The following CBR4 variants were observed in gnomAD, a reference collection of about 807,000 sequenced individuals.
The protein encoded by CBR4 is carbonyl reductase 4, also known as 3-oxoacyl-[acyl-carrier-protein] reductase.
In CBR4, 22 loss-of-function variants were observed where a neutral mutation model predicts 21.0. The observed-to-expected ratio is 1.05, with a 90% CI of 0.75 to 1.50. CBR4 has a LOEUF of 1.50. Among genes scored for constraint, CBR4 ranks in the 40% most tolerant of loss-of-function variants. CBR4 has a pLI of 0.00. For missense variants in CBR4, 302 were observed against 286.3 expected, an observed-to-expected ratio of 1.05 and a Z score of -0.40; for synonymous variants, 100 against 104.4, an observed-to-expected ratio of 0.96 and a Z score of 0.26.
chr4:168,953,106 A>G (rs1222119013), intron 2 of CBR4, among the ~76,000 whole-genome samples: 1 of 152,060 alleles, frequency 6.6e-6, no homozygotes, highest in Non-Finnish European at 1.5e-5. Context: ...GCTGTGGAGG[A>G]TGTGGGTGAG....
Position 168,924,949 on chromosome 4 carries a change from C to G in CBR4, n.170-30184G>C. 2 of 1,614,090 alleles carry G rather than the reference C, an allele frequency of 1.2e-6. No individual in the cohort carries two copies. On this transcript the variant is annotated intron_variant and non_coding_transcript_variant, in intron 2 of 3. Coordinates refer to the CBR4 transcript ENST00000509108. ...TGACTTTATCCTTTTCTCCAGCATG[C>G]ACCAGGACAACCACGGCTACATCTG...
chr4:168,919,534 A>G (rs1760989931), intron 2 of CBR4, among the ~76,000 whole-genome samples: 1 of 152,064 alleles, frequency 6.6e-6, no homozygotes, highest in Admixed American at 6.6e-5. Flanking sequence ...AAAAAAAAAA[A>G]AAAGTGAAAA....
chr4:168,903,834 C>G lies in CBR4; in HGVS notation n.170-9069G>C, dbSNP rs772737020. 6.2e-7 allele frequency: 1 copy of G among 1,612,904 alleles called. No individual in the cohort carries two copies. The highest frequency in any genetic ancestry group is 8.5e-7 in the Non-Finnish European group (1 of 1,178,910). On this transcript the variant is annotated intron_variant and non_coding_transcript_variant, in intron 2 of 3. Transcript: ENST00000509108. Reference sequence around the variant, plus strand: ...CCATTCAAAGAGATCTCGATGGGACCTGCTCCCTCCATACCACAGCCTCCA... The same window carrying G: ...CCATTCAAAGAGATCTCGATGGGACGTGCTCCCTCCATACCACAGCCTCCA...
intron 2 of CBR4, among the ~76,000 whole-genome samples, chr4:168,912,646 A>AT (rs1759224575): frequency 6.6e-6 from 1 of 152,208 alleles, no homozygotes; most frequent in African/African-American, 2.4e-5. Flanking sequence ...ACAGTGTGAT[A>AT]TTTCAAAGCA....
Position 168,989,722 on chromosome 4 carries a change from A to T in CBR4, c.*428T>A, listed in dbSNP as rs552204505. The T allele has an allele frequency of 3.2e-5, 31 of 977,752 alleles. 1 individual carries two copies. The South Asian group carries it at 1.2e-3, about 39-fold the overall frequency. 60.6% of individuals were successfully genotyped at this position (977,752 alleles called of 1,614,324 possible). ...CTTTTGAGACAAAATATATAAATCA[A>T]TACTTGTTTATATGACTTGCAAAAT... On this transcript the variant is annotated 3_prime_UTR_variant, in exon 5 of 5. Coordinates refer to ENST00000306193, the MANE Select transcript of CBR4 (RefSeq NM_032783.5).
Position 168,989,623 on chromosome 4 carries a change from C to T in CBR4, c.*527G>A. 1 of 985,060 alleles carries T rather than the reference C, an allele frequency of 1.0e-6. No homozygotes were observed. Among genetic ancestry groups the T allele is most frequent in the Non-Finnish European group, 1.2e-6 (1 of 829,658 alleles). 61.0% of individuals were successfully genotyped at this position (985,060 alleles called of 1,614,324 possible). A position where few individuals can be genotyped will look rare whatever the true frequency, so the allele number is the denominator to read the frequency against. On this transcript the variant is annotated 3_prime_UTR_variant, in exon 5 of 5. Transcript: ENST00000306193. ...ATACTCTTATTTTGGCAACAGCCCA[C>T]AAGGTTAACTTTTAGAAAATTCAGC...
At chr4:168,928,319 GT>G (rs2126641149) in intron 2 of CBR4, 1 of 99,762 alleles carries the variant, frequency 1.0e-5, no homozygotes, top group East Asian at 1.5e-4. Flanking sequence ...CCTTTATATT[GT>G]ATTTATAAAA....
rs1582255330 is a variant in CBR4, at chr4:168,925,390, C to T, written n.170-30625G>A. Reference sequence around the variant, plus strand: ...AGCATCCTTAGGAGTTAACAGTAGGCAAAGGCATAACCATGTTTTTCACAT... The same window carrying T: ...AGCATCCTTAGGAGTTAACAGTAGGTAAAGGCATAACCATGTTTTTCACAT... On this transcript the variant is annotated intron_variant and non_coding_transcript_variant, in intron 2 of 3. Coordinates refer to the CBR4 transcript ENST00000509108. 9.8e-6 allele frequency: 8 copies of T among 815,064 alleles called. No homozygotes were observed. The East Asian group carries it at 1.9e-4, about 20-fold the overall frequency. The allele number at this position is 815,064 out of a possible 1,614,324, so 50.5% of individuals were successfully genotyped here. A position where few individuals can be genotyped will look rare whatever the true frequency, so the allele number is the denominator to read the frequency against.
intron 2 of CBR4, among the ~76,000 whole-genome samples, chr4:168,959,428 T>C (rs1415139320): frequency 3.3e-5 from 5 of 152,176 alleles, no homozygotes; most frequent in Admixed American, 6.5e-5. Flanking sequence ...ACTGTCTTGA[T>C]TACTGTCACA....
At position 168,988,102 on chromosome 4, in the gene CBR4, G is replaced by A. The variant is rs1764754193; in HGVS notation, c.*2048C>T. 8.1e-6 allele frequency: 8 copies of A among 985,206 alleles called. No homozygotes were observed. The allele number at this position is 985,206 out of a possible 1,614,324, so 61.0% of individuals were successfully genotyped here. A position where few individuals can be genotyped will look rare whatever the true frequency, so the allele number is the denominator to read the frequency against. On this transcript the variant is annotated 3_prime_UTR_variant, in exon 5 of 5. Transcript: ENST00000306193. The stretch of plus-strand genomic sequence containing the variant: ...AATTCACTGAGGTTCTTAAACCTCT[G>A]AACATAAGGCAACAGTTCACAACTG...
chr4:168,902,460 T>G (rs994344545), intron 2 of CBR4, among the ~76,000 whole-genome samples: 4 of 152,190 alleles, frequency 2.6e-5, no homozygotes, highest in Non-Finnish European at 5.9e-5. Flanking sequence ...TCAACTGTGT[T>G]GTTCATAACT....
intron 2 of CBR4, chr4:168,926,199 CTT>C (rs1484808732): frequency 1.2e-5 from 18 of 1,504,376 alleles, no homozygotes; most frequent in Non-Finnish European, 1.6e-5. Context: ...TTAATTTACT[CTT>C]TTTCTTTGTA....
chr4:168,970,849 T>TAC (rs1005015438), intron 2 of CBR4, among the ~76,000 whole-genome samples: 18 of 151,926 alleles, frequency 1.2e-4, no homozygotes, highest in Non-Finnish European at 1.6e-4. Flanking sequence ...TATATATATA[T>TAC]ACCACATTTT....
At chr4:168,939,666 C>T (rs1013225038) in intron 2 of CBR4, among the ~76,000 whole-genome samples, 8 of 151,966 alleles carry the variant, frequency 5.3e-5, no homozygotes, top group African/African-American at 1.4e-4. Context: ...AGAGCCAAGA[C>T]GTGAGTGAAC....
downstream of CBR4, among the ~76,000 whole-genome samples, chr4:168,985,496 T>C (rs533193584): frequency 2.0e-5 from 3 of 152,334 alleles, no homozygotes; most frequent in East Asian, 5.8e-4. Flanking sequence ...CTCAAAGAAC[T>C]TAAAATGGAA....
chr4:169,009,466 A>C (rs915011388), intron 1 of CBR4, among the ~76,000 whole-genome samples: 1 of 152,250 alleles, frequency 6.6e-6, no homozygotes, highest in Non-Finnish European at 1.5e-5. Context: ...GCGCAGGGCC[A>C]AGGCACGGCC....
In CBR4 at chr4:168,935,658, G is replaced by T. The variant is rs114696414; in HGVS notation, n.170-40893C>A. Among the ~76,000 whole-genome samples, 1,161 of 152,270 alleles carry T rather than the reference G, an allele frequency of 7.6e-3. 17 individuals carry two copies. The highest frequency in any genetic ancestry group is 0.026 in the African/African-American group (1,085 of 41,558). ...AAAAAGCCTCCAGGAAATTTGAAAT[G>T]GGCAGAGCCCACCACAGCTTGGCAA... On this transcript the variant is annotated intron_variant and non_coding_transcript_variant, in intron 2 of 3. Coordinates refer to the CBR4 transcript ENST00000509108.
chr4:168,976,868 T>C (rs956598351), intron 2 of CBR4, among the ~76,000 whole-genome samples: 2 of 152,244 alleles, frequency 1.3e-5, no homozygotes, highest in Non-Finnish European at 2.9e-5. Context: ...TTTGTGGATC[T>C]TCACTTGCTT....
intron 2 of CBR4, among the ~76,000 whole-genome samples, chr4:168,971,672 G>C (rs1415405285): frequency 6.6e-6 from 1 of 151,962 alleles, no homozygotes; most frequent in East Asian, 1.9e-4. Flanking sequence ...GCTGATTTGA[G>C]TTCCTGTAGA....
Sources: allele counts gnomAD v4.1 joint callset (sites outside exome capture counted in the v4.1 genomes callset), GRCh38; gene constraint gnomAD v4.1.1; transcripts MANE v1.5; gene names NCBI Gene and HGNC (gene_info 2026-07-23, HGNC 2026-07-21).